The following STING1 variants were observed in gnomAD, a reference collection of about 807,000 sequenced individuals.
STING1 encodes stimulator of interferon genes protein.
A neutral mutation model predicts 31.6 loss-of-function variants in STING1; 19 were observed. That is an observed-to-expected ratio of 0.60 (90% CI 0.42 to 0.88). The LOEUF (loss-of-function observed/expected upper bound fraction) is 0.88. Ranked by LOEUF, STING1 falls within the 40% of genes least tolerant of loss-of-function variation. The pLI, the probability that STING1 is intolerant of heterozygous loss-of-function variation, is 0.00. For synonymous variants in STING1, 200 were observed against 208.6 expected, an observed-to-expected ratio of 0.96 and a Z score of 0.35; for missense variants, 371 against 483.7, an observed-to-expected ratio of 0.77 and a Z score of 2.19.
intron 7 of STING1, 138 bp downstream of exon 7, chr5:139,477,190 AG>A (rs1751687942): frequency 5.7e-6 from 5 of 872,678 alleles, no homozygotes; most frequent in Non-Finnish European, 3.6e-6. Context: ...TGCTGGGAAG[AG>A]GGGGCTTCTC....
In STING1 at chr5:139,480,869, C is replaced by G. The variant is rs2152094238; in HGVS notation, c.441G>C (p.Val147=). The stretch of plus-strand genomic sequence containing the variant: ...CCACGTTGAAATTCCCTTTTTCACA[C>G]ACTGCAGAGATCTCAGCTGGGGCCA... ...KGLAPAEISA[V]CEKGNFNVAH... Residue 147 remains valine, a synonymous_variant, in exon 5 of 8, where the codon GTG becomes GTC. Coordinates refer to ENST00000330794, the MANE Select transcript of STING1 (RefSeq NM_198282.4). 6.2e-7 allele frequency: 1 copy of G among 1,614,070 alleles called. No homozygotes were observed. The highest frequency in any genetic ancestry group is 1.1e-5 in the South Asian group (1 of 91,072).
chr5:139,478,434 A>G lies in STING1; in HGVS notation c.595T>C (p.Tyr199His). The G allele has an allele frequency of 6.2e-7, 1 of 1,614,202 alleles. No homozygotes were observed. ...LLRGAVSQRL[Y>H]ILLPLDCGVP... is the part of the protein sequence containing the mutation. ...CCACAGTCCAATGGGAGGAGAATAT[A>G]CAGCCGCTGGCTCACTGCACCCCGT... Residue 199 changes from tyrosine (Y) to histidine (H), a missense_variant, in exon 6 of 8, where the codon TAT becomes CAT. By Grantham distance (83) the Tyr-to-His change is moderately conservative. Transcript: ENST00000330794.
rs2152094409 is a variant in STING1, at chr5:139,481,393, A to G, written c.228-51T>C. 1 of 1,582,594 alleles carries G rather than the reference A, an allele frequency of 6.3e-7. No homozygotes were observed. ...CCCCAGCCCCCAGCCCAGCTCAGCC[A>G]GAGAGGTTCAAGGAGGGGCAGGGCT... On this transcript the variant is annotated intron_variant, in intron 3 of 7. Transcript: ENST00000330794. The surrounding 1 kb of genome is among the most constrained non-coding windows in gnomAD (Gnocchi z 4.1).
rs1751651647 is a variant in STING1, at chr5:139,476,159, C to G, written c.*102G>C. ...CCTGGACCCTTCCCTGCAAGGCCCC[C>G]TGTGGAAGGAAATAGCTCTGCTGGA... On this transcript the variant is annotated 3_prime_UTR_variant, in exon 8 of 8. Coordinates refer to ENST00000330794, the MANE Select transcript of STING1 (RefSeq NM_198282.4). 4.3e-6 allele frequency: 4 copies of G among 939,940 alleles called. No individual in the cohort carries two copies. Among genetic ancestry groups the G allele is most frequent in the Non-Finnish European group, 6.4e-6 (4 of 629,116 alleles). 58.2% of individuals were successfully genotyped at this position (939,940 alleles called of 1,614,324 possible).
At position 139,480,914 on chromosome 5, in the gene STING1, T is replaced by G; in HGVS notation, c.412-16A>C. ...GGGCCAGGCCCTGTGGACAGCAGGA[T>G]GTGGCTGGGGGGCCTCCATCAAGGA... On this transcript the variant is annotated splice_polypyrimidine_tract_variant and intron_variant, in intron 4 of 7. Coordinates refer to ENST00000330794, the MANE Select transcript of STING1 (RefSeq NM_198282.4). 6.3e-7 allele frequency: 1 copy of G among 1,596,094 alleles called. No individual in the cohort carries two copies. Among genetic ancestry groups the G allele is most frequent in the South Asian group, 1.1e-5 (1 of 90,472 alleles).
At chr5:139,480,727 G>C (rs1044846330) in intron 5 of STING1, 63 bp downstream of exon 5, 37 of 1,008,712 alleles carry the variant, frequency 3.7e-5, no homozygotes, top group Non-Finnish European at 5.3e-5. Context: ...AGAAACACAA[G>C]AGGCTGTGTG....
chr5:139,476,859 C>T (rs998643945), intron 7 of STING1, among the ~76,000 whole-genome samples: 1 of 146,344 alleles, frequency 6.8e-6, no homozygotes, highest in Admixed American at 7.1e-5. Context: ...GACCCGAAAT[C>T]GAGCCACTTC....
chr5:139,481,755 T>G lies in STING1; in HGVS notation c.1-51A>C. 6.8e-7 allele frequency: 1 copy of G among 1,463,954 alleles called. No homozygotes were observed. Among genetic ancestry groups the G allele is most frequent in the African/African-American group, 1.4e-5 (1 of 72,094 alleles). The allele number at this position is 1,463,954 out of a possible 1,614,324, so 90.7% of individuals were successfully genotyped here. ...CATTCTCCCCTTGCCCTCCTGCCCTTCTGGGACTGAGGCTCTGGCTGGGCA... is the reference window on the plus strand; with the variant it reads ...CATTCTCCCCTTGCCCTCCTGCCCTGCTGGGACTGAGGCTCTGGCTGGGCA... On this transcript the variant is annotated intron_variant, in intron 2 of 7. Transcript: ENST00000330794. This position sits in a 1 kb window ranked among gnomAD's most constrained non-coding sequence, Gnocchi z 4.1.
chr5:139,475,966 C>A lies in STING1; in HGVS notation c.*295G>T, dbSNP rs1302827045. 3.2e-6 allele frequency: 1 copy of A among 309,096 alleles called. No homozygotes were observed. The allele number at this position is 309,096 out of a possible 1,614,324, so 19.1% of individuals were successfully genotyped here. On this transcript the variant is annotated 3_prime_UTR_variant, in exon 8 of 8. Coordinates refer to ENST00000330794, the MANE Select transcript of STING1 (RefSeq NM_198282.4). ...AGACACCTGGCACACCCCCTAAGTACACTAGCATCCAAAGTTTATGAAAAA... is the reference window on the plus strand; with the variant it reads ...AGACACCTGGCACACCCCCTAAGTAAACTAGCATCCAAAGTTTATGAAAAA...
At position 139,476,216 on chromosome 5, in the gene STING1, G is replaced by A. The variant is rs759498119; in HGVS notation, c.*45C>T. 1 of 1,471,716 alleles carries A rather than the reference G, an allele frequency of 6.8e-7. No individual in the cohort carries two copies. The highest frequency in any genetic ancestry group is 1.2e-5 in the South Asian group (1 of 81,316). 91.2% of individuals were successfully genotyped at this position (1,471,716 alleles called of 1,614,324 possible). ...GCCACTGAAGAGAGCCCCCAGTCCA[G>A]AGGCTTGGAGACCACTGGAGGCTCT... is the stretch of plus-strand genomic sequence containing the variant. On this transcript the variant is annotated 3_prime_UTR_variant, in exon 8 of 8. Coordinates refer to ENST00000330794, the MANE Select transcript of STING1 (RefSeq NM_198282.4).
rs1751852235 is a variant in STING1, at chr5:139,481,587, G to T, written c.118C>A (p.Pro40Thr). 2 of 1,613,664 alleles carry T rather than the reference G, an allele frequency of 1.2e-6. No homozygotes were observed. Among genetic ancestry groups the T allele is most frequent in the African/African-American group, 2.7e-5 (2 of 74,890 alleles). Reference protein sequence around the residue: ...LVTLWGLGEPPEHTLRYLVLH... With the variant: ...LVTLWGLGEPTEHTLRYLVLH... ...ACCAGGTACCGGAGAGTGTGCTCTGGTGGCTCTCCTAGCCCCCAAAGGGTC... is the reference window on the plus strand; with the variant it reads ...ACCAGGTACCGGAGAGTGTGCTCTGTTGGCTCTCCTAGCCCCCAAAGGGTC... Residue 40 changes from proline to threonine, a missense_variant, in exon 3 of 8, where the codon CCA becomes ACA. Transcript: ENST00000330794. The surrounding 1 kb of genome is among the most constrained non-coding windows in gnomAD (Gnocchi z 4.1).
chr5:139,478,232 A>G, intron 6 of STING1, 38 bp downstream of exon 6: 3 of 1,506,802 alleles, frequency 2.0e-6, no homozygotes, highest in Non-Finnish European at 2.7e-6. Flanking sequence ...TGGGGTCCTG[A>G]CCCCTCCTCA....
chr5:139,477,607 G>C (rs866701474), intron 6 of STING1, 92 bp from the exon 7 acceptor site: 2 of 1,303,838 alleles, frequency 1.5e-6, no homozygotes, highest in Non-Finnish European at 2.1e-6. Flanking sequence ...CCAGTGCCAC[G>C]GGCTGAGGCC....
chr5:139,480,681 A>G, intron 5 of STING1, 109 bp downstream of exon 5: 1 of 705,944 alleles, frequency 1.4e-6, no homozygotes, highest in Non-Finnish European at 2.5e-6. Flanking sequence ...GTAGACATGA[A>G]AATGCTTTGA....
At position 139,478,342 on chromosome 5, in the gene STING1, G is replaced by A. The variant is rs749344150; in HGVS notation, c.687C>T (p.Thr229=). The change falls in exon 6 of 8, where the codon ACC becomes ACT. Residue 229 remains threonine (T), a synonymous_variant. Transcript: ENST00000330794. ...GATCCTTGATGCCAGCATGGTCACC[G>A]GTCTGCTGGGGCAGTTTATCCAGGA... The part of the protein sequence containing the change: ...IRFLDKLPQQ[T]GDHAGIKDRV... 11 of 1,614,016 alleles carry A rather than the reference G, an allele frequency of 6.8e-6. No individual in the cohort carries two copies. The highest frequency in any genetic ancestry group is 1.1e-5 in the South Asian group (1 of 91,088).
intron 7 of STING1, 36 bp from the exon 8 acceptor site, chr5:139,476,490 T>C (rs1389024008): frequency 6.3e-7 from 1 of 1,588,938 alleles, no homozygotes; most frequent in African/African-American, 1.3e-5. Flanking sequence ...GTAATGAGGA[T>C]CTTACCCATT....
rs1203275708 is a variant in STING1, at chr5:139,477,401, A to C, written c.874T>G (p.Cys292Gly). ...GCCAGGATGTCCTCAAGTGTCCGGC[A>C]GAAGAGTTTGGCCTGCTCAAGCCTA... ...EDRLEQAKLF[C>G]RTLEDILADA... Residue 292 changes from cysteine to glycine, a missense_variant, in exon 7 of 8, where the codon TGC (cysteine) becomes GGC (glycine). Cys to Gly is a radical substitution (Grantham distance 159, BLOSUM62 -3). Transcript: ENST00000330794. 1 of 1,614,232 alleles carries C rather than the reference A, an allele frequency of 6.2e-7. No individual in the cohort carries two copies. The highest frequency in any genetic ancestry group is 8.5e-7 in the Non-Finnish European group (1 of 1,180,032).
intron 7 of STING1, 122 bp from the exon 8 acceptor site, chr5:139,476,576 A>C (rs1751667856): frequency 6.1e-6 from 5 of 824,140 alleles, no homozygotes; most frequent in Non-Finnish European, 7.5e-6. Flanking sequence ...CCCAAGCCCC[A>C]GCCACTGGGA....
chr5:139,475,748 T>G lies in STING1; in HGVS notation c.*513A>C, dbSNP rs889961006. 4.6e-5 allele frequency: 7 copies of G among 152,772 alleles called. No homozygotes were observed. Among genetic ancestry groups the G allele is most frequent in the African/African-American group, 1.7e-4 (7 of 41,360 alleles). The allele number at this position is 152,772 out of a possible 1,614,324, so 9.5% of individuals were successfully genotyped here. On this transcript the variant is annotated 3_prime_UTR_variant, in exon 8 of 8. Coordinates refer to ENST00000330794, the MANE Select transcript of STING1 (RefSeq NM_198282.4). ...CCATAGCAACCTTGATGCTGCAGGGTGGGAGCCGGGGGATTCAATACCCCA... is the reference window on the plus strand; with the variant it reads ...CCATAGCAACCTTGATGCTGCAGGGGGGGAGCCGGGGGATTCAATACCCCA...
Sources: gnomAD v4.1 joint callset for allele counts (sites outside exome capture counted in the v4.1 genomes callset) on GRCh38, gnomAD v4.1.1 for gene constraint, Gnocchi (gnomAD v3.1) non-coding constraint, MANE v1.5 for transcripts, NCBI Gene and HGNC (gene_info 2026-07-23, HGNC 2026-07-21) for gene names.